The following ICA1 variants were observed in gnomAD, a reference collection of about 807,000 sequenced individuals.
The protein encoded by ICA1 is 69 kDa islet cell autoantigen.
In ICA1, 40 loss-of-function variants were observed where a neutral mutation model predicts 71.0. The observed-to-expected ratio is 0.56, with a 90% confidence interval of 0.44 to 0.73. The LOEUF (loss-of-function observed/expected upper bound fraction) is 0.73, where lower values mean the gene tolerates loss of function less well. Among genes scored for constraint, ICA1 ranks in the 30% least tolerant of loss-of-function variants. The pLI, the probability that ICA1 is intolerant of heterozygous loss-of-function variation, is 0.00. For synonymous variants in ICA1, 207 were observed against 209.5 expected, an observed-to-expected ratio of 0.99 and a Z score of 0.10; for missense variants, 578 against 576.5, an observed-to-expected ratio of 1.00 and a Z score of -0.03.
At chr7:8,258,357 G>A (rs1432472641) in intron 1 of ICA1, among the ~76,000 whole-genome samples, 6 of 152,208 alleles carry the variant, frequency 3.9e-5, no homozygotes, top group Admixed American at 1.3e-4. Context: ...GATGGATGAT[G>A]TCATCTGACT....
chr7:8,192,154 G>T (rs1785881587), intron 6 of ICA1, among the ~76,000 whole-genome samples: 1 of 152,068 alleles, frequency 6.6e-6, no homozygotes, highest in Non-Finnish European at 1.5e-5. Flanking sequence ...TTGAAATAAT[G>T]TTATCTAATA....
intron 6 of ICA1, among the ~76,000 whole-genome samples, chr7:8,180,605 A>G (rs1003052572): frequency 6.6e-6 from 1 of 152,178 alleles, no homozygotes; most frequent in Non-Finnish European, 1.5e-5. Context: ...CACTCCGACT[A>G]TCAGTGCATG....
intron 6 of ICA1, among the ~76,000 whole-genome samples, chr7:8,191,737 A>G (rs1232627247): frequency 6.6e-6 from 1 of 151,922 alleles, no homozygotes; most frequent in Non-Finnish European, 1.5e-5. Context: ...ATATTGTATA[A>G]TATTATAACA....
chr7:8,205,114 C>G (rs1037823583), intron 6 of ICA1, among the ~76,000 whole-genome samples: 1 of 147,874 alleles, frequency 6.8e-6, no homozygotes, highest in Non-Finnish European at 1.5e-5. Flanking sequence ...GTGGGCTAAG[C>G]TAATTCTTTC....
chr7:8,128,812 G>C (rs1790324338), intron 12 of ICA1, among the ~76,000 whole-genome samples: 2 of 152,128 alleles, frequency 1.3e-5, no homozygotes, highest in Admixed American at 1.3e-4. Context: ...ACAGGCTAGA[G>C]ACACAGTTCG....
rs760650399 is a variant in ICA1 at position 8,113,685 on chromosome 7, C to G, written c.*238G>C. 15 of 386,094 alleles carry G rather than the reference C, an allele frequency of 3.9e-5. No individual in the cohort carries two copies. Among genetic ancestry groups the G allele is most frequent in the Non-Finnish European group, 6.2e-5 (13 of 209,882 alleles). 23.9% of individuals were successfully genotyped at this position (386,094 alleles called of 1,614,324 possible). On this transcript the variant is annotated 3_prime_UTR_variant, in exon 14 of 14. Coordinates refer to ENST00000402384, the MANE Select transcript of ICA1 (RefSeq NM_001136020.3). The surrounding 1 kb of genome is among the most constrained non-coding windows in gnomAD (Gnocchi z 4.2). ...TGGGATGTAGGCAGGAGAGCGGTGG[C>G]CTGGAAACCGCTTCTAGACAATCCT...
intron 1 of ICA1, among the ~76,000 whole-genome samples, chr7:8,254,784 C>T (rs1583902973): frequency 6.6e-6 from 1 of 152,018 alleles, no homozygotes; most frequent in East Asian, 1.9e-4. Flanking sequence ...ACAAACACAA[C>T]ACAATGTTTA....
chr7:8,211,193 G>A (rs1242698510), intron 6 of ICA1, among the ~76,000 whole-genome samples: 1 of 152,224 alleles, frequency 6.6e-6, no homozygotes, highest in African/African-American at 2.4e-5. Flanking sequence ...CTTAGCATAT[G>A]TGTTTTGCTG....
intron 1 of ICA1, among the ~76,000 whole-genome samples, chr7:8,237,805 C>A (rs1002981912): frequency 3.4e-5 from 5 of 147,746 alleles, no homozygotes; most frequent in African/African-American, 1.3e-4. Context: ...ATTGTATATG[C>A]AATGTTGAAG....
intron 1 of ICA1, chr7:8,237,010 G>A (rs948245940): frequency 6.1e-4 from 93 of 152,280 alleles, no homozygotes; most frequent in African/African-American, 2.1e-3. Flanking sequence ...GCTTTCCTAG[G>A]CTATTTAAAA....
intron 12 of ICA1, among the ~76,000 whole-genome samples, chr7:8,137,058 T>C (rs1342772640): frequency 6.6e-6 from 1 of 152,122 alleles, no homozygotes; most frequent in Non-Finnish European, 1.5e-5. Flanking sequence ...AACCTTTTTT[T>C]TTTTTTTAGA....
chr7:8,166,291 C>T (rs1805948720), intron 6 of ICA1, among the ~76,000 whole-genome samples: 1 of 152,158 alleles, frequency 6.6e-6, no homozygotes, highest in Admixed American at 6.5e-5. Context: ...GGTACAAAAA[C>T]AGACACGTAG....
rs777705330 is a variant in ICA1, at chr7:8,234,131, G to A, written c.18-1376C>T. Among the ~76,000 whole-genome samples, 4 of 152,158 alleles carry A rather than the reference G, an allele frequency of 2.6e-5. No individual in the cohort carries two copies. Among genetic ancestry groups the A allele is most frequent in the Non-Finnish European group, 1.5e-5 (1 of 68,036 alleles). On this transcript the variant is annotated intron_variant, in intron 2 of 13. Transcript: ENST00000402384. The surrounding 1 kb of genome is among the most constrained non-coding windows in gnomAD (Gnocchi z 4.5). ...CTCAGCAGACTGAAGTGGGTGGATTGTTCAAGTCCAGGAGTTTGAGGCTGC... is the reference window on the plus strand; with the variant it reads ...CTCAGCAGACTGAAGTGGGTGGATTATTCAAGTCCAGGAGTTTGAGGCTGC...
At chr7:8,178,162 C>T (rs874720) in intron 6 of ICA1, among the ~76,000 whole-genome samples, 4,287 of 152,278 alleles carry the variant, frequency 0.028, 73 homozygotes, top group East Asian at 0.082. Context: ...CAGTGTTCAT[C>T]CCCTTCCATG....
chr7:8,189,870 G>C (rs1785033403), intron 6 of ICA1, among the ~76,000 whole-genome samples: 2 of 152,214 alleles, frequency 1.3e-5, no homozygotes, highest in Admixed American at 1.3e-4. Flanking sequence ...TGGATTGTTT[G>C]TAAGTTGGGA....
At chr7:8,162,795 G>A (rs144197207) in intron 6 of ICA1, among the ~76,000 whole-genome samples, 6,080 of 152,112 alleles carry the variant, frequency 0.04, 396 homozygotes, top group African/African-American at 0.14. Context: ...ATGGAGTCTC[G>A]CTCTGTCACC....
intron 8 of ICA1, among the ~76,000 whole-genome samples, chr7:8,148,402 T>G (rs1797766645): frequency 6.6e-6 from 1 of 151,526 alleles, no homozygotes; most frequent in South Asian, 2.1e-4. Flanking sequence ...TTACCTTACC[T>G]TTTTTTTTAA....
At chr7:8,167,522 AG>A (rs1189584546) in intron 6 of ICA1, among the ~76,000 whole-genome samples, 4 of 152,198 alleles carry the variant, frequency 2.6e-5, no homozygotes, top group Non-Finnish European at 5.9e-5. Context: ...ACTGCCTATC[AG>A]CTACTATGCT....
Position 8,200,131 on chromosome 7 carries a change from A to T in ICA1, c.579+18174T>A, listed in dbSNP as rs181743705. 1.7e-3 allele frequency among the ~76,000 whole-genome samples: 261 copies of T among 152,298 alleles called. 1 individual carries two copies. The highest frequency in any genetic ancestry group is 6.0e-3 in the African/African-American group (248 of 41,578). ...ATACCCCATTTTACACGATGTGATTATTATGCATTGCACGCCTGTATCAAA... is the reference window on the plus strand; with the variant it reads ...ATACCCCATTTTACACGATGTGATTTTTATGCATTGCACGCCTGTATCAAA... On this transcript the variant is annotated intron_variant, in intron 6 of 13. Coordinates refer to ENST00000402384, the MANE Select transcript of ICA1 (RefSeq NM_001136020.3).
Sources: allele counts gnomAD v4.1 joint callset (sites outside exome capture counted in the v4.1 genomes callset), GRCh38; gene constraint gnomAD v4.1.1; non-coding constraint Gnocchi (gnomAD v3.1); transcripts MANE v1.5; gene names NCBI Gene and HGNC (gene_info 2026-07-23, HGNC 2026-07-21).